Variants in PTPRO observed in about 807,000 individuals in gnomAD.
PTPRO encodes protein tyrosine phosphatase receptor type O.
Under a neutral mutation model 145.2 loss-of-function variants are expected in PTPRO, and 62 were observed. That is an observed-to-expected ratio of 0.43 (90% CI 0.35 to 0.53). PTPRO has a LOEUF of 0.53. PTPRO is among the 20% of genes least tolerant of loss of function. The pLI, the probability that PTPRO is intolerant of heterozygous loss-of-function variation, is 0.01. For missense variants in PTPRO, 1,345 were observed against 1,482.7 expected, an observed-to-expected ratio of 0.91 and a Z score of 1.53; for synonymous variants, 565 against 514.7, an observed-to-expected ratio of 1.10 and a Z score of -1.32.
At chr12:15,379,767 G>A (rs1036795296) in intron 1 of PTPRO, among the ~76,000 whole-genome samples, 5 of 152,102 alleles carry the variant, frequency 3.3e-5, no homozygotes, top group Non-Finnish European at 7.4e-5. Flanking sequence ...GCCTAGATCT[G>A]AGAGGCTGAA....
intron 1 of PTPRO, among the ~76,000 whole-genome samples, chr12:15,436,600 G>A (rs186261313): frequency 2.5e-3 from 382 of 152,290 alleles, no homozygotes; most frequent in Non-Finnish European, 4.6e-3. Flanking sequence ...AGCTTAGGGA[G>A]AGTCTTGGAG....
intron 1 of PTPRO, among the ~76,000 whole-genome samples, chr12:15,400,485 T>C (rs560946485): frequency 3.1e-4 from 47 of 152,286 alleles, no homozygotes; most frequent in African/African-American, 1.1e-3. Context: ...TGCCATTCCG[T>C]TGGCCTAGAA....
intron 23 of PTPRO, among the ~76,000 whole-genome samples, chr12:15,586,184 T>A (rs1278126358): frequency 6.6e-6 from 1 of 152,196 alleles, no homozygotes; most frequent in Non-Finnish European, 1.5e-5. Context: ...AGACAAGGAT[T>A]CTCATATAAG....
intron 1 of PTPRO, among the ~76,000 whole-genome samples, chr12:15,331,962 CTTTTTTTTTTT>C (rs200334215): frequency 9.0e-4 from 106 of 118,272 alleles, no homozygotes; most frequent in African/African-American, 3.2e-3. Flanking sequence ...CTCTTTCTTT[CTTTTTTTTTTT>C]TTTTTTTTTG....
intron 18 of PTPRO, 96 bp downstream of exon 18, chr12:15,565,724 T>C: frequency 1.0e-6 from 1 of 954,600 alleles, no homozygotes; most frequent in South Asian, 1.4e-5. Context: ...GAAGGGACGC[T>C]TAAGAAAGAG....
intron 1 of PTPRO, among the ~76,000 whole-genome samples, chr12:15,404,766 A>G (rs190385496): frequency 1.3e-5 from 2 of 152,234 alleles, no homozygotes; most frequent in Admixed American, 6.5e-5. Flanking sequence ...ACTGACTTCC[A>G]TACAGTTGGA....
chr12:15,345,148 A>G (rs1867154355), intron 1 of PTPRO, among the ~76,000 whole-genome samples: 1 of 152,206 alleles, frequency 6.6e-6, no homozygotes. Flanking sequence ...TGTATACTTT[A>G]AAGTGTCAGA....
chr12:15,548,013 C>T (rs948067203), intron 13 of PTPRO, among the ~76,000 whole-genome samples: 5 of 152,172 alleles, frequency 3.3e-5, no homozygotes, highest in African/African-American at 7.2e-5. Context: ...TTTCTTAGTG[C>T]GGATAGTTGC....
chr12:15,589,101 C>T (rs538744511), intron 24 of PTPRO, among the ~76,000 whole-genome samples: 3 of 152,176 alleles, frequency 2.0e-5, no homozygotes, highest in East Asian at 1.9e-4. Context: ...CTGGGCTGGC[C>T]GAGGTGGCTC....
chr12:15,490,142 C>T (rs1158747137), intron 2 of PTPRO, among the ~76,000 whole-genome samples: 1 of 152,170 alleles, frequency 6.6e-6, no homozygotes, highest in Non-Finnish European at 1.5e-5. Flanking sequence ...TGTAGCAAAG[C>T]TGCAAGCCAA....
intron 1 of PTPRO, among the ~76,000 whole-genome samples, chr12:15,325,410 C>A (rs571599058): frequency 6.6e-6 from 1 of 152,176 alleles, no homozygotes; most frequent in Non-Finnish European, 1.5e-5. Context: ...CAGTGATGAG[C>A]ACATATAATC....
Position 15,360,416 on chromosome 12 carries a change from A to G in PTPRO, c.75+37615A>G, listed in dbSNP as rs148432531. Among the ~76,000 whole-genome samples, 149 of 152,328 alleles carry G rather than the reference A, an allele frequency of 9.8e-4. 1 individual carries two copies. The highest frequency in any genetic ancestry group is 2.9e-3 in the African/African-American group (119 of 41,576). On this transcript the variant is annotated intron_variant, in intron 1 of 26. Transcript: ENST00000281171. ...TCTGTCTCCGCTGTAAAAGAATAAA[A>G]ATAAAATATAATCATAATGAATATC...
chr12:15,587,030 G>A lies in PTPRO; in HGVS notation c.3389G>A (p.Gly1130Asp). The change falls in exon 24 of 27, where the codon GGT becomes GAT. Residue 1130 changes from glycine (G) to aspartate (D), a missense_variant. Coordinates refer to ENST00000281171, the MANE Select transcript of PTPRO (RefSeq NM_030667.3). ...CGACAGCAAGCTACCAAGAGCAAAG[G>A]TCCCATGATCATTCACTGCAGGTAA... The part of the protein sequence containing the change: ...MVRQQATKSK[G>D]PMIIHCSAGV... 1 of 1,614,036 alleles carries A rather than the reference G, an allele frequency of 6.2e-7. No homozygotes were observed. The highest frequency in any genetic ancestry group is 8.5e-7 in the Non-Finnish European group (1 of 1,179,996).
chr12:15,412,305 A>T (rs58633974), intron 1 of PTPRO, among the ~76,000 whole-genome samples: 4,692 of 152,292 alleles, frequency 0.031, 251 homozygotes, highest in African/African-American at 0.11. Flanking sequence ...GCAATATTTT[A>T]TGTGTTTCAA....
At chr12:15,544,882 T>G (rs1406967397) in intron 12 of PTPRO, among the ~76,000 whole-genome samples, 2 of 152,144 alleles carry the variant, frequency 1.3e-5, no homozygotes, top group African/African-American at 4.8e-5. Context: ...TCATTGCAAG[T>G]GAAAAAGGGC....
intron 1 of PTPRO, among the ~76,000 whole-genome samples, chr12:15,451,758 A>G (rs1219018859): frequency 6.6e-6 from 1 of 152,248 alleles, no homozygotes; most frequent in African/African-American, 2.4e-5. Flanking sequence ...TGGGTCAACA[A>G]TGAAATCAAG....
intron 12 of PTPRO, among the ~76,000 whole-genome samples, chr12:15,545,786 T>C (rs747108401): frequency 4.6e-5 from 7 of 152,164 alleles, no homozygotes; most frequent in African/African-American, 7.2e-5. Context: ...GTAATCCCAA[T>C]ACTTTGGGAG....
chr12:15,447,200 C>T (rs181536221), intron 1 of PTPRO, among the ~76,000 whole-genome samples: 13 of 152,180 alleles, frequency 8.5e-5, no homozygotes, highest in Admixed American at 3.3e-4. Flanking sequence ...TAACAACAAA[C>T]GGCTATGATT....
chr12:15,475,160 T>A (rs1008014816), intron 1 of PTPRO, among the ~76,000 whole-genome samples: 5 of 152,274 alleles, frequency 3.3e-5, no homozygotes, highest in Admixed American at 3.3e-4. Flanking sequence ...AAATTGAGTC[T>A]ATTTACTCTT....
Sources: allele counts gnomAD v4.1 joint callset (sites outside exome capture counted in the v4.1 genomes callset), GRCh38; gene constraint gnomAD v4.1.1; transcripts MANE v1.5; gene names NCBI Gene and HGNC (gene_info 2026-07-23, HGNC 2026-07-21).